ST18: variants seen among roughly 807,000 people sequenced by gnomAD.
ST18 encodes the protein ST18 C2H2C-type zinc finger transcription factor.
ST18 carries 50 observed loss-of-function variants against 110.0 expected under a neutral mutation model. That is an observed-to-expected ratio of 0.45 (90% CI 0.36 to 0.58). The LOEUF (loss-of-function observed/expected upper bound fraction) is 0.58. Among genes scored for constraint, ST18 ranks in the 20% least tolerant of loss-of-function variants. The pLI is 0.00. For missense variants in ST18, 1,306 were observed against 1,280.1 expected, an observed-to-expected ratio of 1.02 and a Z score of -0.31; for synonymous variants, 461 against 452.4, an observed-to-expected ratio of 1.02 and a Z score of -0.24.
chr8:52,342,831 T>C (rs943240949), intron 2 of ST18, among the ~76,000 whole-genome samples: 2 of 152,228 alleles, frequency 1.3e-5, no homozygotes, highest in African/African-American at 4.8e-5. Context: ...CGAGACAAGA[T>C]ATGTTTCCCC....
At chr8:52,400,670 C>T (rs141206826) in intron 2 of ST18, among the ~76,000 whole-genome samples, 1 of 152,148 alleles carries the variant, frequency 6.6e-6, no homozygotes, top group East Asian at 1.9e-4. Flanking sequence ...ATGATAACTA[C>T]TTAACTTTGA....
At chr8:52,284,217 G>A (rs1314134349) in intron 2 of ST18, among the ~76,000 whole-genome samples, 5 of 152,202 alleles carry the variant, frequency 3.3e-5, no homozygotes, top group African/African-American at 1.2e-4. Flanking sequence ...GGATGTTACA[G>A]TTAGAATATT....
chr8:52,294,706 A>G (rs2095605377), intron 2 of ST18: 1 of 152,270 alleles, frequency 6.6e-6, no homozygotes, highest in Non-Finnish European at 1.5e-5. Flanking sequence ...AGAAAACCAA[A>G]GCAGATTCCT....
chr8:52,193,855 C>G (rs765837189), intron 8 of ST18, among the ~76,000 whole-genome samples: 3 of 152,222 alleles, frequency 2.0e-5, no homozygotes, highest in Non-Finnish European at 4.4e-5. Flanking sequence ...TGTGACCACA[C>G]TCATGTTTAC....
intron 25 of ST18, among the ~76,000 whole-genome samples, chr8:52,115,985 T>A (rs905266334): frequency 1.3e-5 from 2 of 151,930 alleles, no homozygotes; most frequent in African/African-American, 4.8e-5. Flanking sequence ...ACTGAGGGAG[T>A]TTTGCCCTTC....
intron 2 of ST18, among the ~76,000 whole-genome samples, chr8:52,317,659 T>C (rs780261691): frequency 3.3e-5 from 5 of 152,266 alleles, no homozygotes; most frequent in Non-Finnish European, 5.9e-5. Flanking sequence ...CTGTTTCATT[T>C]GTACAATAAA....
chr8:52,322,065 C>G (rs2139918550), intron 2 of ST18, among the ~76,000 whole-genome samples: 1 of 152,298 alleles, frequency 6.6e-6, no homozygotes, highest in East Asian at 1.9e-4. Flanking sequence ...TACAATGCTG[C>G]CTTCTTGGCA....
intron 8 of ST18, among the ~76,000 whole-genome samples, chr8:52,192,892 T>C (rs1007738913): frequency 6.6e-6 from 1 of 152,158 alleles, no homozygotes. Flanking sequence ...TGCTGAGAGA[T>C]AACAGGCAAG....
chr8:52,192,071 G>A (rs748517780), intron 8 of ST18, among the ~76,000 whole-genome samples: 3 of 152,182 alleles, frequency 2.0e-5, no homozygotes, highest in Admixed American at 6.5e-5. Flanking sequence ...GGCACAGAGG[G>A]GTCATTGATG....
intron 6 of ST18, among the ~76,000 whole-genome samples, chr8:52,215,986 A>G (rs550739180): frequency 5.1e-4 from 78 of 152,368 alleles, no homozygotes; most frequent in African/African-American, 1.8e-3. Flanking sequence ...AGCCACTTCT[A>G]TGTGTGAGCC....
chr8:52,339,722 G>A (rs1318488338), intron 2 of ST18, among the ~76,000 whole-genome samples: 2 of 152,160 alleles, frequency 1.3e-5, no homozygotes, highest in Non-Finnish European at 2.9e-5. Context: ...GCCACTCCTC[G>A]TGGCCACACA....
At chr8:52,234,357 C>T (rs539762859) in intron 2 of ST18, among the ~76,000 whole-genome samples, 46 of 152,206 alleles carry the variant, frequency 3.0e-4, no homozygotes, top group South Asian at 2.3e-3. Flanking sequence ...CTCCGCCCCC[C>T]GGATTCAAGT....
intron 2 of ST18, among the ~76,000 whole-genome samples, chr8:52,388,147 G>C (rs922659943): frequency 6.6e-6 from 1 of 152,200 alleles, no homozygotes; most frequent in African/African-American, 2.4e-5. Context: ...GGAGCAATTT[G>C]AGCATAAGGA....
intron 2 of ST18, among the ~76,000 whole-genome samples, chr8:52,374,958 C>T (rs576565863): frequency 1.6e-3 from 244 of 152,312 alleles, no homozygotes; most frequent in Non-Finnish European, 2.9e-3. Context: ...ACAGACTCCA[C>T]TCGTGCACTT....
chr8:52,388,817 G>T (rs1837980659), intron 2 of ST18, among the ~76,000 whole-genome samples: 1 of 130,178 alleles, frequency 7.7e-6, no homozygotes, highest in African/African-American at 2.9e-5. Flanking sequence ...GACTGTTGTG[G>T]GGTGGGGGGA....
chr8:52,374,152 T>C (rs13268725), intron 2 of ST18, among the ~76,000 whole-genome samples: 115,042 of 152,178 alleles, frequency 0.76, 48,319 homozygotes, highest in Non-Finnish European at 0.93. Flanking sequence ...AACCCATAAA[T>C]ATGACCTTAT....
intron 2 of ST18, among the ~76,000 whole-genome samples, chr8:52,266,974 C>T (rs56101857): frequency 0.056 from 8,562 of 152,056 alleles, 806 homozygotes; most frequent in African/African-American, 0.2. Context: ...AAAGATTAAG[C>T]CTTAAGCTGG....
intron 23 of ST18, among the ~76,000 whole-genome samples, chr8:52,124,697 C>A (rs374839496): frequency 6.6e-6 from 1 of 152,114 alleles, no homozygotes; most frequent in African/African-American, 2.4e-5. Context: ...GCTGGAAAGA[C>A]TGGAAGAGGC....
At chr8:52,235,219 A>G (rs2092432930) in intron 2 of ST18, among the ~76,000 whole-genome samples, 1 of 152,204 alleles carries the variant, frequency 6.6e-6, no homozygotes, top group African/African-American at 2.4e-5. Flanking sequence ...CCTTAAAGGA[A>G]ATTCTTGCCT....
Sources: allele counts gnomAD v4.1 joint callset (sites outside exome capture counted in the v4.1 genomes callset), GRCh38; gene constraint gnomAD v4.1.1; transcripts MANE v1.5; gene names NCBI Gene and HGNC (gene_info 2026-07-23, HGNC 2026-07-21).